Variants in IGSF5 observed in about 807,000 individuals in gnomAD.
IGSF5 encodes the protein immunoglobulin superfamily member 5, also known as immunoglobulin superfamily 5 like.
A neutral mutation model predicts 39.4 loss-of-function variants in IGSF5; 41 were observed. The ratio of observed to expected loss-of-function variants is 1.04; its 90% CI spans 0.81 to 1.35. IGSF5 has a LOEUF of 1.35. Among genes scored for constraint, IGSF5 ranks in the 40% most tolerant of loss-of-function variants. The pLI is 0.00. For synonymous variants in IGSF5, 183 were observed against 175.3 expected, an observed-to-expected ratio of 1.04 and a Z score of -0.34; for missense variants, 487 against 494.6, an observed-to-expected ratio of 0.98 and a Z score of 0.15.
chr21:39,715,416 G>T, the IGSF5 span, among the ~76,000 whole-genome samples: 1 of 152,192 alleles, frequency 6.6e-6, no homozygotes, highest in South Asian at 2.1e-4. Flanking sequence ...ACCATGACCA[G>T]CCCAGTTAAT....
upstream of IGSF5, among the ~76,000 whole-genome samples, chr21:39,741,192 G>T (rs937621073): frequency 2.6e-5 from 4 of 152,138 alleles, no homozygotes; most frequent in African/African-American, 9.7e-5. Flanking sequence ...CTTCTTTAGG[G>T]CATGGAAAGC....
At chr21:39,771,687 AG>A in intron 4 of IGSF5, among the ~76,000 whole-genome samples, 1 of 152,328 alleles carries the variant, frequency 6.6e-6, no homozygotes, top group African/African-American at 2.4e-5. Context: ...TGTGTTTGAA[AG>A]TGTCAAGTCT....
chr21:39,749,612 G>T (rs2079994851), intron 2 of IGSF5, among the ~76,000 whole-genome samples: 1 of 152,190 alleles, frequency 6.6e-6, no homozygotes, highest in South Asian at 2.1e-4. Context: ...AGTGGTCAGG[G>T]CACAGCCTGG....
chr21:39,776,749 G>A (rs1411690218), intron 4 of IGSF5, among the ~76,000 whole-genome samples: 1 of 152,230 alleles, frequency 6.6e-6, no homozygotes, highest in Non-Finnish European at 1.5e-5. Context: ...TTTCTGTCTA[G>A]TAGGGGAAGG....
intron 6 of IGSF5, chr21:39,791,671 TA>T (rs2086966177): frequency 4.6e-6 from 1 of 215,650 alleles, no homozygotes. Context: ...AAACTTTATT[TA>T]CAAAAACAAG....
At chr21:39,716,197 G>C in the IGSF5 span, among the ~76,000 whole-genome samples, 1 of 152,084 alleles carries the variant, frequency 6.6e-6, no homozygotes, top group Non-Finnish European at 1.5e-5. Context: ...CTCATGACTC[G>C]TCCCTCCCCT....
At chr21:39,728,160 G>A in the IGSF5 span, among the ~76,000 whole-genome samples, 3 of 152,012 alleles carry the variant, frequency 2.0e-5, no homozygotes, top group Non-Finnish European at 2.9e-5. Context: ...GTTGAATTGT[G>A]TCCCCAAAAA....
chr21:39,791,135 A>G (rs778398280), intron 6 of IGSF5, among the ~76,000 whole-genome samples: 12 of 152,334 alleles, frequency 7.9e-5, no homozygotes, highest in Non-Finnish European at 1.3e-4. Context: ...AGCTTTAGAC[A>G]GTGCCACATT....
chr21:39,743,864 G>A (rs1458447743), upstream of IGSF5, among the ~76,000 whole-genome samples: 6 of 152,112 alleles, frequency 3.9e-5, no homozygotes, highest in Admixed American at 2.6e-4. Context: ...ACGGCCAGGC[G>A]GTACTGCAGA....
intron 2 of IGSF5, among the ~76,000 whole-genome samples, chr21:39,753,066 C>T (rs2080013398): frequency 6.6e-6 from 1 of 152,062 alleles, no homozygotes; most frequent in Non-Finnish European, 1.5e-5. Context: ...AATTCTTTGC[C>T]TAAGCTAATG....
chr21:39,741,866 A>T (rs1244225574), upstream of IGSF5, among the ~76,000 whole-genome samples: 2 of 152,244 alleles, frequency 1.3e-5, no homozygotes, highest in East Asian at 3.9e-4. Context: ...GAGGAAAAAC[A>T]GCCTCATTGA....
At chr21:39,747,151 C>T (rs1458049365) in intron 2 of IGSF5, among the ~76,000 whole-genome samples, 1 of 152,310 alleles carries the variant, frequency 6.6e-6, no homozygotes, top group Non-Finnish European at 1.5e-5. Flanking sequence ...AATGAACTCA[C>T]AGCTCCATGT....
At chr21:39,789,954 A>G (rs1310225251) in intron 6 of IGSF5, among the ~76,000 whole-genome samples, 1 of 152,200 alleles carries the variant, frequency 6.6e-6, no homozygotes, top group African/African-American at 2.4e-5. Flanking sequence ...GATACTTTTA[A>G]GTACAGAAAA....
intron 8 of IGSF5, among the ~76,000 whole-genome samples, chr21:39,795,863 G>T (rs1440328692): frequency 6.6e-6 from 1 of 152,068 alleles, no homozygotes; most frequent in Non-Finnish European, 1.5e-5. Context: ...AGGCCCTTAA[G>T]AAACAAATCA....
In IGSF5 at chr21:39,779,295, A is replaced by T. The variant is rs1197996211; in HGVS notation, c.924A>T (p.Arg308Ser). ...GCTGCCGTTGTTGTTTCTGCTGTAGAAGAAAAAGAGGTAATTTTTTTGTTC... is the reference window on the plus strand; with the variant it reads ...GCTGCCGTTGTTGTTTCTGCTGTAGTAGAAAAAGAGGTAATTTTTTTGTTC... ...NCCCRCCFCC[R>S]RKRGFRIQFQ... Residue 308 changes from arginine (R) to serine (S), a missense_variant, in exon 5 of 9, where the codon AGA (arginine) becomes AGT (serine). Arg to Ser is a moderately radical substitution (Grantham distance 110, BLOSUM62 -1). Transcript: ENST00000380588. 3.1e-6 allele frequency: 5 copies of T among 1,612,092 alleles called. No individual in the cohort carries two copies. Among genetic ancestry groups the T allele is most frequent in the Admixed American group, 3.3e-5 (2 of 59,918 alleles).
chr21:39,726,951 C>T, the IGSF5 span, among the ~76,000 whole-genome samples: 1 of 152,110 alleles, frequency 6.6e-6, no homozygotes, highest in African/African-American at 2.4e-5. Flanking sequence ...ATGGAAAGGC[C>T]ATTGATGGCT....
chr21:39,743,053 A>G (rs399324), upstream of IGSF5, among the ~76,000 whole-genome samples: 124,450 of 152,154 alleles, frequency 0.82, 51,079 homozygotes, highest in Admixed American at 0.86. Flanking sequence ...TCCTTTCCCT[A>G]TGCTATAGTG....
At chr21:39,787,922 A>C (rs1297176182) in intron 5 of IGSF5, among the ~76,000 whole-genome samples, 1 of 152,214 alleles carries the variant, frequency 6.6e-6, no homozygotes, top group African/African-American at 2.4e-5. Context: ...TATAGTAAGT[A>C]CTATACAGTC....
intron 8 of IGSF5, among the ~76,000 whole-genome samples, chr21:39,797,664 T>A (rs1057454793): frequency 1.3e-5 from 2 of 152,146 alleles, no homozygotes; most frequent in Admixed American, 1.3e-4. Context: ...CTACGGGCAC[T>A]TGCTGCCATG....
Sources: gnomAD v4.1 joint callset for allele counts (sites outside exome capture counted in the v4.1 genomes callset) on GRCh38, gnomAD v4.1.1 for gene constraint, MANE v1.5 for transcripts, NCBI Gene and HGNC (gene_info 2026-07-23, HGNC 2026-07-21) for gene names.